Variants in NUBP1 observed in about 807,000 individuals in gnomAD.
The protein encoded by NUBP1 is cytosolic Fe-S cluster assembly factor NUBP1.
NUBP1 carries 46 observed loss-of-function variants against 41.8 expected under a neutral mutation model. That is an observed-to-expected ratio of 1.10 (90% CI 0.87 to 1.41). The LOEUF is 1.41. NUBP1 is among the 40% of genes most tolerant of loss of function. The probability of loss-of-function intolerance (pLI) is 0.00; values close to 1 mark genes in which losing one functional copy is unlikely to be tolerated. For synonymous variants in NUBP1, 189 were observed against 154.6 expected, an observed-to-expected ratio of 1.22 and a Z score of -1.65; for missense variants, 494 against 414.0, an observed-to-expected ratio of 1.19 and a Z score of -1.68.
chr16:10,751,470 G>T (rs1024962167), intron 3 of NUBP1, among the ~76,000 whole-genome samples: 1 of 152,192 alleles, frequency 6.6e-6, no homozygotes, highest in Admixed American at 6.5e-5. Flanking sequence ...TTGAGACAGC[G>T]CTGGGTGCTG....
In NUBP1 at chr16:10,768,350, C is replaced by T. The variant is rs1215113841; in HGVS notation, c.904+318C>T. The T allele has an allele frequency of 5.4e-6, 1 of 185,482 alleles. No homozygotes were observed. The highest frequency in any genetic ancestry group is 1.1e-5 in the Non-Finnish European group (1 of 89,520). 11.5% of individuals were successfully genotyped at this position (185,482 alleles called of 1,614,324 possible). ...AGGTGCAGTGGCTCACACCTGGAAT[C>T]CCAGCACTTTGGGTGAAGGAGGCAG... On this transcript the variant is annotated intron_variant, in intron 10 of 10. Coordinates refer to ENST00000283027, the MANE Select transcript of NUBP1 (RefSeq NM_002484.4). This position sits in a 1 kb window ranked among gnomAD's most constrained non-coding sequence, Gnocchi z 4.3.
chr16:10,757,341 T>A lies in NUBP1; in HGVS notation c.452-532T>A, dbSNP rs1187416239. On this transcript the variant is annotated intron_variant, in intron 6 of 10. Coordinates refer to ENST00000283027, the MANE Select transcript of NUBP1 (RefSeq NM_002484.4). This position sits in a 1 kb window ranked among gnomAD's most constrained non-coding sequence, Gnocchi z 4.1. ...AATTATTTTTATCATGGTTTTATAG[T>A]GGCTTATTTGGGTCAGAGAGGTGAG... Among the ~76,000 whole-genome samples, 1 of 152,158 alleles carries A rather than the reference T, an allele frequency of 6.6e-6. No individual in the cohort carries two copies. The highest frequency in any genetic ancestry group is 1.5e-5 in the Non-Finnish European group (1 of 68,020).
At chr16:10,758,617 A>G (rs1040154060) in intron 7 of NUBP1, among the ~76,000 whole-genome samples, 5 of 152,148 alleles carry the variant, frequency 3.3e-5, no homozygotes, top group Non-Finnish European at 7.4e-5. Context: ...GAAACTAGGG[A>G]AACCACCAGT....
rs1221624181 is a variant in NUBP1 at position 10,752,603 on chromosome 16, TC to T, written c.259-3del. 1.2e-6 allele frequency: 2 copies of T among 1,612,852 alleles called. No individual in the cohort carries two copies. The highest frequency in any genetic ancestry group is 1.7e-6 in the Non-Finnish European group (2 of 1,179,150). ...ATATAACCGCTTTGGTCTCTTCTTGTCCCCAGATTGCTCTTCTAGACATCGA... is the reference window on the plus strand; with the variant it reads ...ATATAACCGCTTTGGTCTCTTCTTGTCCCAGATTGCTCTTCTAGACATCGA... On this transcript the variant is annotated splice_polypyrimidine_tract_variant and splice_region_variant and intron_variant, in intron 3 of 10. Transcript: ENST00000283027.
chr16:10,767,923 T>G lies in NUBP1; in HGVS notation c.821-26T>G. On this transcript the variant is annotated intron_variant, in intron 9 of 10. Coordinates refer to ENST00000283027, the MANE Select transcript of NUBP1 (RefSeq NM_002484.4). The surrounding 1 kb of genome is among the most constrained non-coding windows in gnomAD (Gnocchi z 4.6). ...ATTCTGTTTTCCTCTTGGACTGAAT[T>G]GTCTTCCGTTTGTTTCTTTTTTAAG... 6.2e-7 allele frequency: 1 copy of G among 1,609,752 alleles called. No individual in the cohort carries two copies. Among genetic ancestry groups the G allele is most frequent in the Non-Finnish European group, 8.5e-7 (1 of 1,175,986 alleles).
chr16:10,752,771 C>A lies in NUBP1; in HGVS notation c.327+93C>A. 4 of 1,025,752 alleles carry A rather than the reference C, an allele frequency of 3.9e-6. No homozygotes were observed. In the South Asian group the frequency reaches 4.0e-5, roughly 10 times the overall value. 63.5% of individuals were successfully genotyped at this position (1,025,752 alleles called of 1,614,324 possible). On this transcript the variant is annotated intron_variant, in intron 4 of 10. Coordinates refer to ENST00000283027, the MANE Select transcript of NUBP1 (RefSeq NM_002484.4). ...AACCTCAACAAAGAGGCATGCGGAG[C>A]CCATAAATGTTTTTTTGTTGTTGTT...
rs1480835394 is a variant in NUBP1, at chr16:10,749,796, G to A, written c.258+2520G>A. Among the ~76,000 whole-genome samples, 10 of 152,194 alleles carry A rather than the reference G, an allele frequency of 6.6e-5. No individual in the cohort carries two copies. The highest frequency in any genetic ancestry group is 6.5e-4 in the Admixed American group (10 of 15,284). On this transcript the variant is annotated intron_variant, in intron 3 of 10. Coordinates refer to ENST00000283027, the MANE Select transcript of NUBP1 (RefSeq NM_002484.4). This position sits in a 1 kb window ranked among gnomAD's most constrained non-coding sequence, Gnocchi z 4.1. ...CCATGTTAGCGCTTGAGGCAGGCAG[G>A]CGCCTGTCATCTCATTGGCACAAAG...
chr16:10,767,430 G>A lies in NUBP1; in HGVS notation c.821-519G>A, dbSNP rs2031055995. The stretch of plus-strand genomic sequence containing the variant: ...AGACAAAGCAGCAGGCAGAATGTGT[G>A]TGTCATGTGCTCCCATTCGTATTTT... On this transcript the variant is annotated intron_variant, in intron 9 of 10. Transcript: ENST00000283027. This position sits in a 1 kb window ranked among gnomAD's most constrained non-coding sequence, Gnocchi z 4.6. 2.5e-6 allele frequency: 1 copy of A among 400,206 alleles called. No homozygotes were observed. Among genetic ancestry groups the A allele is most frequent in the Non-Finnish European group, 4.4e-6 (1 of 227,408 alleles). 24.8% of individuals were successfully genotyped at this position (400,206 alleles called of 1,614,324 possible).
rs1289967275 is a variant in NUBP1 at position 10,761,873 on chromosome 16, G to A, written c.820+14G>A. 1 of 1,602,740 alleles carries A rather than the reference G, an allele frequency of 6.2e-7. No homozygotes were observed. The highest frequency in any genetic ancestry group is 8.5e-7 in the Non-Finnish European group (1 of 1,170,280). Reference sequence around the variant, plus strand: ...ATCCGCTCATAGGTGGGTGACCCCAGTGTGGGGCGGCACCTCACTCCTCGG... The same window carrying A: ...ATCCGCTCATAGGTGGGTGACCCCAATGTGGGGCGGCACCTCACTCCTCGG... On this transcript the variant is annotated intron_variant, in intron 9 of 10. Transcript: ENST00000283027.
rs543611061 is a variant in NUBP1, at chr16:10,755,702, G to A, written c.328-19G>A. 6.4e-5 allele frequency: 103 copies of A among 1,612,808 alleles called. 1 individual carries two copies. In the South Asian group the frequency reaches 6.9e-4, roughly 11 times the overall value. ...TACATGATTTCTACTAATGAACATC[G>A]GTGCTCATGTTCACACAGGTTCACC... On this transcript the variant is annotated intron_variant, in intron 4 of 10. Transcript: ENST00000283027.
At chr16:10,758,853 C>T (rs1900749782) in intron 7 of NUBP1, among the ~76,000 whole-genome samples, 1 of 152,182 alleles carries the variant, frequency 6.6e-6, no homozygotes. Context: ...TAGCAGTCAC[C>T]TAGTGGCTGT....
chr16:10,766,490 T>C lies in NUBP1; in HGVS notation c.821-1459T>C, dbSNP rs1372486070. Among the ~76,000 whole-genome samples the C allele has an allele frequency of 1.3e-5, 2 of 152,068 alleles. No individual in the cohort carries two copies. Among genetic ancestry groups the C allele is most frequent in the Non-Finnish European group, 2.9e-5 (2 of 67,982 alleles). ...TGGGGAAGGGAGACCTGGGTGAAAG[T>C]CAGGGACAGAAAGTAGCCCCAGCAT... is the stretch of plus-strand genomic sequence containing the variant. On this transcript the variant is annotated intron_variant, in intron 9 of 10. Coordinates refer to ENST00000283027, the MANE Select transcript of NUBP1 (RefSeq NM_002484.4). The surrounding 1 kb of genome is among the most constrained non-coding windows in gnomAD (Gnocchi z 4.8).
chr16:10,760,259 G>A (rs945078710), intron 7 of NUBP1, among the ~76,000 whole-genome samples: 4 of 152,226 alleles, frequency 2.6e-5, no homozygotes, highest in African/African-American at 9.6e-5. Context: ...CCTTAGCCGT[G>A]CCACTGTGGC....
In NUBP1 at chr16:10,743,998, G is replaced by T; in HGVS notation, c.57G>T (p.Gly19=). ...PGADSAQAGR[G]ASCQGCPNQR... Reference sequence around the variant, plus strand: ...CCGACAGCGCCCAGGCGGGCAGAGGGGCTTCATGTCAGGGATGCCCCAACC... The same window carrying T: ...CCGACAGCGCCCAGGCGGGCAGAGGTGCTTCATGTCAGGGATGCCCCAACC... Residue 19 remains glycine, a synonymous_variant, in exon 2 of 11, where the codon GGG becomes GGT. Transcript: ENST00000283027. 2 of 1,582,968 alleles carry T rather than the reference G, an allele frequency of 1.3e-6. No individual in the cohort carries two copies. The highest frequency in any genetic ancestry group is 1.7e-6 in the Non-Finnish European group (2 of 1,170,226).
At chr16:10,762,761 A>G (rs1189817385) in intron 9 of NUBP1, among the ~76,000 whole-genome samples, 1 of 138,358 alleles carries the variant, frequency 7.2e-6, no homozygotes, top group Non-Finnish European at 1.6e-5. Flanking sequence ...GACAGGAGAG[A>G]GGGGCCGGGC....
At chr16:10,755,834 T>C in intron 5 of NUBP1, 81 bp downstream of exon 5, 2 of 1,330,022 alleles carry the variant, frequency 1.5e-6, no homozygotes, top group East Asian at 2.3e-5. Flanking sequence ...TGTTGGTCCA[T>C]AGGTATTTAT....
In NUBP1 at chr16:10,765,854, T is replaced by C. The variant is rs1244420524; in HGVS notation, c.821-2095T>C. ...AAGTGCCTTCTAGTGGGCATGGTCC[T>C]GTGTGTCAAATGGCACATTGCAGAA... On this transcript the variant is annotated intron_variant, in intron 9 of 10. Coordinates refer to ENST00000283027, the MANE Select transcript of NUBP1 (RefSeq NM_002484.4). The surrounding 1 kb of genome is among the most constrained non-coding windows in gnomAD (Gnocchi z 4.0). 2.0e-5 allele frequency among the ~76,000 whole-genome samples: 3 copies of C among 152,360 alleles called. No individual in the cohort carries two copies. Among genetic ancestry groups the C allele is most frequent in the Non-Finnish European group, 4.4e-5 (3 of 68,032 alleles).
In NUBP1 at chr16:10,757,772, G is replaced by A. The variant is rs1900656909; in HGVS notation, c.452-101G>A. On this transcript the variant is annotated intron_variant, in intron 6 of 10. Transcript: ENST00000283027. The surrounding 1 kb of genome is among the most constrained non-coding windows in gnomAD (Gnocchi z 4.1). ...GAGCCTCAGAGTTAAGAGCCAACCT[G>A]GGCAACATAGCAAGACCCCATCCTT... The A allele has an allele frequency of 1.4e-6, 2 of 1,457,186 alleles. No individual in the cohort carries two copies. The highest frequency in any genetic ancestry group is 1.9e-6 in the Non-Finnish European group (2 of 1,069,932). 90.3% of individuals were successfully genotyped at this position (1,457,186 alleles called of 1,614,324 possible). A position where few individuals can be genotyped will look rare whatever the true frequency, so the allele number is the denominator to read the frequency against.
At chr16:10,755,893 C>G in intron 5 of NUBP1, 140 bp downstream of exon 5, 1 of 747,070 alleles carries the variant, frequency 1.3e-6, no homozygotes, top group Non-Finnish European at 2.3e-6. Context: ...CAGTGATTGG[C>G]AGGCTTTTTC....
Sources: allele counts gnomAD v4.1 joint callset (sites outside exome capture counted in the v4.1 genomes callset), GRCh38; gene constraint gnomAD v4.1.1; non-coding constraint Gnocchi (gnomAD v3.1); transcripts MANE v1.5; gene names NCBI Gene and HGNC (gene_info 2026-07-23, HGNC 2026-07-21).